CHP1: variants seen among roughly 807,000 people sequenced by gnomAD.
CHP1 encodes the protein calcineurin like EF-hand protein 1, also known as calcineurin B homologous protein 1.
Under a neutral mutation model 27.4 loss-of-function variants are expected in CHP1, and 11 were observed. The ratio of observed to expected loss-of-function variants is 0.40; its 90% CI spans 0.25 to 0.67. The LOEUF is 0.67. CHP1 is among the 30% of genes least tolerant of loss of function. The probability of loss-of-function intolerance (pLI) is 0.38; values close to 1 mark genes in which losing one functional copy is unlikely to be tolerated. For missense variants in CHP1, 169 were observed against 251.3 expected (o/e 0.67, Z 2.22); for synonymous variants, 89 against 87.4 (o/e 1.02, Z -0.10).
At chr15:41,241,465 C>A (rs2047306738) in intron 1 of CHP1, among the ~76,000 whole-genome samples, 1 of 152,202 alleles carries the variant, frequency 6.6e-6, no homozygotes, top group Admixed American at 6.5e-5. Flanking sequence ...ATTCACTTAC[C>A]TCTCTCTGGT....
chr15:41,261,782 C>T (rs935173265), intron 3 of CHP1, among the ~76,000 whole-genome samples: 2 of 151,890 alleles, frequency 1.3e-5, no homozygotes, highest in Non-Finnish European at 2.9e-5. Context: ...CACCTGAGGT[C>T]GGGAGTTCGA....
chr15:41,264,096 A>C (rs1378173630), intron 4 of CHP1: 20 of 785,268 alleles, frequency 2.5e-5, no homozygotes, highest in Non-Finnish European at 3.7e-5. Flanking sequence ...TTTATCCTAA[A>C]GTATTATGGT....
intron 1 of CHP1, among the ~76,000 whole-genome samples, chr15:41,242,872 G>A (rs1171496323): frequency 6.6e-6 from 1 of 151,986 alleles, no homozygotes; most frequent in Non-Finnish European, 1.5e-5. Flanking sequence ...GAACACGAGA[G>A]GCAGAGGTTG....
At chr15:41,278,624 A>T in intron 5 of CHP1, 143 bp from the exon 6 acceptor site, 2 of 943,886 alleles carry the variant, frequency 2.1e-6, no homozygotes, top group Non-Finnish European at 3.1e-6. Context: ...GTCGGTCATT[A>T]ACCAAAACAT....
At chr15:41,278,680 A>C in intron 5 of CHP1, 87 bp from the exon 6 acceptor site, 1 of 1,536,130 alleles carries the variant, frequency 6.5e-7, no homozygotes, top group Non-Finnish European at 8.9e-7. Flanking sequence ...AAGGAAAAGG[A>C]GGATGGTGAT....
intron 2 of CHP1, among the ~76,000 whole-genome samples, chr15:41,253,535 A>T (rs1038131121): frequency 6.6e-6 from 1 of 150,664 alleles, no homozygotes; most frequent in African/African-American, 2.4e-5. Context: ...GCTCACTGCA[A>T]CCTCCACCTC....
Position 41,231,438 on chromosome 15 carries a change from A to G in CHP1, c.56A>G (p.Lys19Arg), listed in dbSNP as rs1351776607. Reference sequence around the variant, plus strand: ...GACGAAGAGCTCGAGGAGATCAAGAAGGAGACCGGCTGTGAGTTCGGGTTG... The same window carrying G: ...GACGAAGAGCTCGAGGAGATCAAGAGGGAGACCGGCTGTGAGTTCGGGTTG... The part of the protein sequence containing the change: ...LRDEELEEIK[K>R]ETGFSHSQIT... The change falls in exon 1 of 7, where the codon AAG (lysine) becomes AGG (arginine). Residue 19 changes from lysine to arginine, a missense_variant. Lys to Arg is a conservative substitution (Grantham distance 26). Transcript: ENST00000334660. 2 of 1,603,108 alleles carry G rather than the reference A, an allele frequency of 1.2e-6. No homozygotes were observed. The highest frequency in any genetic ancestry group is 4.5e-5 in the East Asian group (2 of 44,460).
intron 4 of CHP1, chr15:41,264,097 G>A: frequency 1.3e-6 from 1 of 796,914 alleles, no homozygotes; most frequent in East Asian, 6.3e-5. Flanking sequence ...TTATCCTAAA[G>A]TATTATGGTC....
intron 2 of CHP1, among the ~76,000 whole-genome samples, chr15:41,245,512 T>A (rs2047330324): frequency 1.3e-5 from 2 of 152,212 alleles, no homozygotes; most frequent in South Asian, 4.1e-4. Flanking sequence ...CTACTTAACA[T>A]GATGTTTTTA....
intron 2 of CHP1, among the ~76,000 whole-genome samples, chr15:41,250,584 T>C (rs1177098606): frequency 8.1e-6 from 1 of 122,986 alleles, no homozygotes; most frequent in African/African-American, 3.1e-5. Context: ...AAATAAATAA[T>C]AAATAAATAA....
chr15:41,258,522 C>T (rs1466244176), intron 3 of CHP1, among the ~76,000 whole-genome samples: 1 of 152,132 alleles, frequency 6.6e-6, no homozygotes, highest in Non-Finnish European at 1.5e-5. Flanking sequence ...TGGAACATTT[C>T]CCCAGCCTTT....
intron 2 of CHP1, among the ~76,000 whole-genome samples, chr15:41,252,914 T>C (rs972887380): frequency 5.3e-5 from 8 of 150,236 alleles, no homozygotes; most frequent in Admixed American, 1.3e-4. Flanking sequence ...CACACAAATC[T>C]GTATTTCACA....
chr15:41,254,481 AT>A (rs1289585629), intron 2 of CHP1, among the ~76,000 whole-genome samples: 1 of 152,214 alleles, frequency 6.6e-6, no homozygotes, highest in East Asian at 1.9e-4. Flanking sequence ...TACAGAACAA[AT>A]TATGTAATAA....
At chr15:41,238,426 G>A (rs2047288805) in intron 1 of CHP1, among the ~76,000 whole-genome samples, 1 of 152,040 alleles carries the variant, frequency 6.6e-6, no homozygotes, top group South Asian at 2.1e-4. Flanking sequence ...GCCTCCCAAA[G>A]TGCTAGGATT....
In CHP1 at chr15:41,269,408, C is replaced by A. The variant is rs76024871; in HGVS notation, c.350-1149C>A. ...ATTTTGGAGGGGAGTGATATTTAAACCTGTAGATATTAATCCATGTTCTTA... is the reference window on the plus strand; with the variant it reads ...ATTTTGGAGGGGAGTGATATTTAAAACTGTAGATATTAATCCATGTTCTTA... On this transcript the variant is annotated intron_variant, in intron 4 of 6. Transcript: ENST00000334660. 2.8e-4 allele frequency among the ~76,000 whole-genome samples: 43 copies of A among 152,116 alleles called. No homozygotes were observed. The East Asian group carries it at 7.2e-3, about 25-fold the overall frequency.
intron 1 of CHP1, among the ~76,000 whole-genome samples, chr15:41,236,832 C>T (rs1370791044): frequency 7.0e-6 from 1 of 143,604 alleles, no homozygotes; most frequent in African/African-American, 2.6e-5. Flanking sequence ...TTAATACTAT[C>T]TTTTTTTTTT....
chr15:41,257,662 C>G (rs1443474773), intron 3 of CHP1, among the ~76,000 whole-genome samples: 1 of 151,926 alleles, frequency 6.6e-6, no homozygotes, highest in South Asian at 2.1e-4. Context: ...CGGGTTCAAG[C>G]GATTCTCCTG....
chr15:41,256,882 ATCTAAC>A (rs758824671), intron 2 of CHP1, 22 bp from the exon 3 acceptor site: 1 of 1,601,980 alleles, frequency 6.2e-7, no homozygotes, highest in Admixed American at 1.7e-5. Context: ...AATGATCTCT[ATCTAAC>A]TCAAGGTGAT....
At chr15:41,256,016 C>T (rs1158989041) in intron 2 of CHP1, among the ~76,000 whole-genome samples, 1 of 150,986 alleles carries the variant, frequency 6.6e-6, no homozygotes, top group Non-Finnish European at 1.5e-5. Flanking sequence ...GACTCTGTCT[C>T]AAAAAAAAGT....
Sources: allele counts gnomAD v4.1 joint callset (sites outside exome capture counted in the v4.1 genomes callset), GRCh38; gene constraint gnomAD v4.1.1; transcripts MANE v1.5; gene names NCBI Gene and HGNC (gene_info 2026-07-23, HGNC 2026-07-21).